GRIP1: variants seen among roughly 807,000 people sequenced by gnomAD.
The protein encoded by GRIP1 is glutamate receptor-interacting protein 1.
In GRIP1, 45 loss-of-function variants were observed where a neutral mutation model predicts 129.9. The ratio of observed to expected loss-of-function variants is 0.35; its 90% CI spans 0.27 to 0.44. The LOEUF (loss-of-function observed/expected upper bound fraction) is 0.44, where lower values mean the gene tolerates loss of function less well. Among genes scored for constraint, GRIP1 ranks in the 20% least tolerant of loss-of-function variants. The pLI, the probability that GRIP1 is intolerant of heterozygous loss-of-function variation, is 1.00. For missense variants in GRIP1, 1,196 were observed against 1,396.8 expected (o/e 0.86, Z 2.29); for synonymous variants, 530 against 520.8 (o/e 1.02, Z -0.24).
chr12:66,749,612 T>A (rs1446944222), intron 1 of GRIP1, among the ~76,000 whole-genome samples: 1 of 152,214 alleles, frequency 6.6e-6, no homozygotes, highest in Non-Finnish European at 1.5e-5. Flanking sequence ...GGCGGTAATT[T>A]GGCAGTTTTG....
intron 1 of GRIP1, among the ~76,000 whole-genome samples, chr12:66,828,676 T>C (rs2039461347): frequency 6.6e-6 from 1 of 152,220 alleles, no homozygotes; most frequent in Non-Finnish European, 1.5e-5. Flanking sequence ...GACATATTAA[T>C]ATTAACACCT....
At chr12:66,425,600 A>C (rs896117793) in intron 14 of GRIP1, among the ~76,000 whole-genome samples, 11 of 152,246 alleles carry the variant, frequency 7.2e-5, no homozygotes, top group African/African-American at 2.7e-4. Context: ...AGACTGGATT[A>C]AGAAAATGTG....
At chr12:66,687,520 C>T (rs186374603) in intron 1 of GRIP1, among the ~76,000 whole-genome samples, 349 of 151,864 alleles carry the variant, frequency 2.3e-3, no homozygotes, top group Admixed American at 4.5e-3. Context: ...CATGATGGGC[C>T]CTGGATGTAA....
chr12:66,403,960 A>G (rs955205788), intron 16 of GRIP1, among the ~76,000 whole-genome samples: 2 of 152,198 alleles, frequency 1.3e-5, no homozygotes, highest in African/African-American at 4.8e-5. Flanking sequence ...TTTGCAAGGA[A>G]GGTAGCTGAC....
At chr12:66,647,967 C>A (rs1306661896) in intron 1 of GRIP1, among the ~76,000 whole-genome samples, 1 of 152,182 alleles carries the variant, frequency 6.6e-6, no homozygotes, top group Non-Finnish European at 1.5e-5. Flanking sequence ...AGAGTAGCTG[C>A]ATCTGTTTGA....
intron 2 of GRIP1, among the ~76,000 whole-genome samples, chr12:66,590,284 C>T (rs894160469): frequency 7.2e-5 from 11 of 152,200 alleles, no homozygotes; most frequent in Admixed American, 6.5e-5. Context: ...TTAAAAATCA[C>T]TTGCTGCATA....
intron 1 of GRIP1, among the ~76,000 whole-genome samples, chr12:66,912,168 T>G (rs1377984374): frequency 6.6e-6 from 1 of 152,188 alleles, no homozygotes; most frequent in African/African-American, 2.4e-5. Context: ...GGAGTATTTC[T>G]TTTTTAATCA....
intron 1 of GRIP1, among the ~76,000 whole-genome samples, chr12:66,703,584 A>G (rs1424598941): frequency 6.6e-6 from 1 of 152,120 alleles, no homozygotes; most frequent in Non-Finnish European, 1.5e-5. Context: ...CAGAGGATCA[A>G]CAGGGCAACT....
At chr12:66,785,347 T>C (rs61926154) in intron 1 of GRIP1, among the ~76,000 whole-genome samples, 7,102 of 61,940 alleles carry the variant, frequency 0.11, 336 homozygotes, top group Non-Finnish European at 0.16. Flanking sequence ...TACATACATA[T>C]ATATATATAT....
chr12:66,996,062 C>A (rs2042462327), intron 1 of GRIP1, among the ~76,000 whole-genome samples: 1 of 151,680 alleles, frequency 6.6e-6, no homozygotes, highest in African/African-American at 2.4e-5. Context: ...TGTATGAATC[C>A]ATTTATATGA....
At chr12:66,445,223 C>T in intron 12 of GRIP1, 99 bp downstream of exon 12, 1 of 966,500 alleles carries the variant, frequency 1.0e-6, no homozygotes, top group East Asian at 2.4e-5. Context: ...TCTTGCATTT[C>T]CTGCATTGAG....
chr12:66,857,556 G>GAAAA (rs61311434), intron 1 of GRIP1, among the ~76,000 whole-genome samples: 3 of 125,714 alleles, frequency 2.4e-5, no homozygotes, highest in African/African-American at 6.1e-5. Flanking sequence ...CTAGTCTCAG[G>GAAAA]AAAAAAAAAA....
At chr12:67,020,232 T>C (rs974503563) in intron 1 of GRIP1, among the ~76,000 whole-genome samples, 15 of 152,226 alleles carry the variant, frequency 9.9e-5, no homozygotes, top group Non-Finnish European at 7.3e-5. Flanking sequence ...GAATCATTGA[T>C]CTTGCTTTAT....
intron 13 of GRIP1, 53 bp from the exon 14 acceptor site, chr12:66,432,681 C>T (rs2058184657): frequency 1.0e-6 from 1 of 985,634 alleles, no homozygotes; most frequent in Non-Finnish European, 1.6e-6. Context: ...GACTGGAGCA[C>T]CCATCAATAA....
intron 1 of GRIP1, among the ~76,000 whole-genome samples, chr12:66,836,547 G>A (rs769731479): frequency 8.6e-5 from 13 of 151,472 alleles, no homozygotes; most frequent in Non-Finnish European, 1.5e-4. Flanking sequence ...ACTAAATTTA[G>A]AGAGAAAATA....
chr12:66,636,620 T>C (rs1225087048), intron 1 of GRIP1, among the ~76,000 whole-genome samples: 1 of 152,108 alleles, frequency 6.6e-6, no homozygotes, highest in African/African-American at 2.4e-5. Flanking sequence ...ATAGGGCCTT[T>C]AAGGAGCTGA....
intron 1 of GRIP1, among the ~76,000 whole-genome samples, chr12:66,857,196 A>G (rs7296939): frequency 0.97 from 144,105 of 148,910 alleles, 69,910 homozygotes; most frequent in East Asian, 1. Context: ...ACACAGGAAG[A>G]GGAACATCAC....
chr12:66,782,264 T>G (rs909558313), intron 1 of GRIP1, among the ~76,000 whole-genome samples: 1 of 152,190 alleles, frequency 6.6e-6, no homozygotes, highest in African/African-American at 2.4e-5. Context: ...ATATTAGGAA[T>G]TCGGATTGAG....
At chr12:66,777,229 T>C (rs995604414) in intron 1 of GRIP1, among the ~76,000 whole-genome samples, 2 of 152,132 alleles carry the variant, frequency 1.3e-5, no homozygotes, top group Admixed American at 6.6e-5. Flanking sequence ...TCACTCACGC[T>C]GTGTTCCCCT....
Sources: allele counts gnomAD v4.1 joint callset (sites outside exome capture counted in the v4.1 genomes callset), GRCh38; gene constraint gnomAD v4.1.1; transcripts MANE v1.5; gene names NCBI Gene and HGNC (gene_info 2026-07-23, HGNC 2026-07-21).